Variants in SVOPL observed in about 807,000 individuals in gnomAD.
The protein encoded by SVOPL is putative transporter SVOPL.
Under a neutral mutation model 61.0 loss-of-function variants are expected in SVOPL, and 60 were observed. The ratio of observed to expected loss-of-function variants is 0.98; its 90% CI spans 0.80 to 1.22. The LOEUF is 1.22. Among genes scored for constraint, SVOPL ranks in the 50% most tolerant of loss-of-function variants. The pLI is 0.00. For missense variants in SVOPL, 662 were observed against 643.9 expected, an observed-to-expected ratio of 1.03 and a Z score of -0.30; for synonymous variants, 279 against 250.0, an observed-to-expected ratio of 1.12 and a Z score of -1.09.
At chr7:138,651,388 T>A (rs1010231012) in intron 7 of SVOPL, among the ~76,000 whole-genome samples, 1 of 152,186 alleles carries the variant, frequency 6.6e-6, no homozygotes, top group Admixed American at 6.5e-5. Context: ...AGACAGTGTA[T>A]CAACCGAAGA....
chr7:138,698,673 CA>C (rs1235936009), intron 1 of SVOPL, among the ~76,000 whole-genome samples: 1 of 152,150 alleles, frequency 6.6e-6, no homozygotes, highest in Non-Finnish European at 1.5e-5. Flanking sequence ...GTGCAATTCT[CA>C]ACTGATAAAC....
At chr7:138,664,370 C>T (rs1285980535) in intron 4 of SVOPL, 35 of 387,080 alleles carry the variant, frequency 9.0e-5, no homozygotes, top group East Asian at 3.4e-4. Flanking sequence ...AACCCTCCAA[C>T]GCCCCTAATC....
At chr7:138,613,661 T>C (rs1356865603) in intron 14 of SVOPL, among the ~76,000 whole-genome samples, 1 of 152,170 alleles carries the variant, frequency 6.6e-6, no homozygotes, top group Non-Finnish European at 1.5e-5. Flanking sequence ...CTTTTACTCA[T>C]TACCATAGTA....
intron 14 of SVOPL, among the ~76,000 whole-genome samples, chr7:138,607,231 A>G (rs1798799378): frequency 6.6e-6 from 1 of 152,198 alleles, no homozygotes. Context: ...CTGGAGCGAG[A>G]AGCAAGGCCT....
intron 14 of SVOPL, among the ~76,000 whole-genome samples, chr7:138,611,911 G>A (rs1281268085): frequency 1.7e-4 from 8 of 46,700 alleles, no homozygotes; most frequent in Admixed American, 3.5e-4. Flanking sequence ...ACAGCTCATT[G>A]AGAACGGGCC....
At chr7:138,629,285 C>T (rs1584802550) in intron 10 of SVOPL, among the ~76,000 whole-genome samples, 1 of 149,624 alleles carries the variant, frequency 6.7e-6, no homozygotes, top group East Asian at 2.0e-4. Flanking sequence ...GGCTTGAGTG[C>T]AGTGGTGCAA....
intron 8 of SVOPL, among the ~76,000 whole-genome samples, chr7:138,648,532 C>CAAA (rs1801243188): frequency 1.9e-5 from 2 of 104,058 alleles, no homozygotes; most frequent in African/African-American, 9.5e-5. Context: ...TACTAAAAAT[C>CAAA]CAAAAAAAAA....
chr7:138,681,028 G>A (rs75501297), intron 1 of SVOPL, among the ~76,000 whole-genome samples: 22,715 of 151,672 alleles, frequency 0.15, 2,123 homozygotes, highest in Middle Eastern at 0.3. Context: ...TTAGGATAAG[G>A]AAAGTAATTT....
chr7:138,636,308 G>A (rs1445883448), intron 9 of SVOPL, among the ~76,000 whole-genome samples: 3 of 152,108 alleles, frequency 2.0e-5, no homozygotes, highest in Non-Finnish European at 4.4e-5. Flanking sequence ...TATAAGAAAT[G>A]TGCAGTACTG....
At chr7:138,645,352 C>G (rs188072495) in intron 8 of SVOPL, among the ~76,000 whole-genome samples, 1 of 152,270 alleles carries the variant, frequency 6.6e-6, no homozygotes, top group Non-Finnish European at 1.5e-5. Context: ...TGGACTTCCA[C>G]TGAAGCTCGA....
At chr7:138,671,737 T>C (rs1191415897) in intron 4 of SVOPL, among the ~76,000 whole-genome samples, 2 of 152,240 alleles carry the variant, frequency 1.3e-5, no homozygotes, top group African/African-American at 4.8e-5. Context: ...CTATGATCCA[T>C]GTAAATAGCT....
chr7:138,634,857 C>A (rs1800390414), intron 9 of SVOPL, among the ~76,000 whole-genome samples: 1 of 149,452 alleles, frequency 6.7e-6, no homozygotes, highest in Admixed American at 6.7e-5. Flanking sequence ...TCTAGCTACT[C>A]AGGAGCTTAG....
chr7:138,619,968 G>A (rs933638892), intron 14 of SVOPL, among the ~76,000 whole-genome samples: 2 of 152,074 alleles, frequency 1.3e-5, no homozygotes, highest in Non-Finnish European at 2.9e-5. Flanking sequence ...GGAAATGAGT[G>A]ACCACAGGCA....
chr7:138,619,247 A>C (rs552481860), intron 14 of SVOPL, among the ~76,000 whole-genome samples: 101 of 151,520 alleles, frequency 6.7e-4, no homozygotes, highest in African/African-American at 2.5e-3. Context: ...ATCTCTAAAA[A>C]TAAATAAATA....
At chr7:138,621,224 T>G in intron 13 of SVOPL, 89 bp from the exon 14 acceptor site, 4 of 1,058,530 alleles carry the variant, frequency 3.8e-6, no homozygotes, top group Non-Finnish European at 5.5e-6. Flanking sequence ...GGTCAGGTTT[T>G]GGAATGCATA....
intron 5 of SVOPL, 154 bp downstream of exon 5, chr7:138,662,920 T>A (rs901017167): frequency 6.9e-7 from 1 of 1,458,694 alleles, no homozygotes; most frequent in Non-Finnish European, 9.0e-7. Flanking sequence ...GTCCAGAAGA[T>A]AAGCCTGGAA....
chr7:138,658,468 C>T (rs948613287), intron 6 of SVOPL, among the ~76,000 whole-genome samples: 6 of 151,980 alleles, frequency 3.9e-5, no homozygotes, highest in Admixed American at 6.5e-5. Flanking sequence ...TTTTGTAGAG[C>T]GAGGGTCTCA....
In SVOPL at chr7:138,663,106, C is replaced by CA. The variant is rs771113123; in HGVS notation, c.312dup (p.Gly105TrpfsTer5). The stretch of plus-strand genomic sequence containing the variant: ...CGGCCATATCTGTCAGCCAGGAGGC[C>CA]AAAGAGGATACTGAAAACCATGTAG... On this transcript the variant is annotated frameshift_variant, in exon 5 of 16. Transcript: ENST00000674285. LOFTEE classifies it high-confidence loss of function. The CA allele has an allele frequency of 1.9e-5, 31 of 1,613,964 alleles. No individual in the cohort carries two copies. The highest frequency in any genetic ancestry group is 2.5e-5 in the Non-Finnish European group (30 of 1,180,018).
chr7:138,634,894 G>A (rs141796122), intron 9 of SVOPL, among the ~76,000 whole-genome samples: 2,293 of 152,230 alleles, frequency 0.015, 27 homozygotes, highest in Non-Finnish European at 0.025. Flanking sequence ...AGCCCAGGAG[G>A]TCAAGGCTGC....
Sources: allele counts gnomAD v4.1 joint callset (sites outside exome capture counted in the v4.1 genomes callset), GRCh38; gene constraint gnomAD v4.1.1; transcripts MANE v1.5; gene names NCBI Gene and HGNC (gene_info 2026-07-23, HGNC 2026-07-21).